The following ITCH variants were observed in gnomAD, a reference collection of about 807,000 sequenced individuals.
ITCH encodes the protein E3 ubiquitin-protein ligase Itchy homolog.
A neutral mutation model predicts 126.8 loss-of-function variants in ITCH; 28 were observed. The observed-to-expected ratio is 0.22, with a 90% CI of 0.16 to 0.30. ITCH has a LOEUF of 0.30. Among genes scored for constraint, ITCH ranks in the 10% least tolerant of loss-of-function variants. The probability of loss-of-function intolerance (pLI) is 1.00; values close to 1 mark genes in which losing one functional copy is unlikely to be tolerated. For synonymous variants in ITCH, 342 were observed against 340.0 expected, an observed-to-expected ratio of 1.01 and a Z score of -0.06; for missense variants, 631 against 1,032.4, an observed-to-expected ratio of 0.61 and a Z score of 5.33.
chr20:34,474,834 G>A (rs1358047033), intron 16 of ITCH, among the ~76,000 whole-genome samples: 1 of 151,860 alleles, frequency 6.6e-6, no homozygotes, highest in Non-Finnish European at 1.5e-5. Flanking sequence ...TGGCTGCCGG[G>A]TGGAGACGCT....
intron 2 of ITCH, among the ~76,000 whole-genome samples, chr20:34,390,443 C>CTTTTTTTTTTTTTT (rs546555130): frequency 1.1e-5 from 1 of 90,756 alleles, no homozygotes; most frequent in Non-Finnish European, 2.2e-5. Flanking sequence ...CAAGAATAAT[C>CTTTTTTTTTTTTTT]TTTTTTTTTT....
In ITCH at chr20:34,393,717, C is replaced by A. The variant is rs551781445; in HGVS notation, c.-21-74C>A. Reference sequence around the variant, plus strand: ...TTACATGGTCTTCAGTAATAAATAGCCAGGTTAGCACTATTTATATATGTT... The same window carrying A: ...TTACATGGTCTTCAGTAATAAATAGACAGGTTAGCACTATTTATATATGTT... On this transcript the variant is annotated intron_variant, in intron 2 of 24. Coordinates refer to ENST00000374864, the MANE Select transcript of ITCH (RefSeq NM_031483.7). 1.0e-4 allele frequency: 92 copies of A among 877,606 alleles called. 3 individuals carry two copies. In the African/African-American group the frequency reaches 1.1e-3, roughly 10 times the overall value. The allele number at this position is 877,606 out of a possible 1,614,324, so 54.4% of individuals were successfully genotyped here. A position where few individuals can be genotyped will look rare whatever the true frequency, so the allele number is the denominator to read the frequency against.
At chr20:34,485,365 T>G (rs1469035284) in intron 20 of ITCH, among the ~76,000 whole-genome samples, 1 of 152,192 alleles carries the variant, frequency 6.6e-6, no homozygotes, top group Non-Finnish European at 1.5e-5. Context: ...CCCAAAGTGT[T>G]TTTGCCATTT....
At chr20:34,408,600 G>A (rs767171104) in intron 3 of ITCH, 51 bp from the exon 4 acceptor site, 1 of 1,499,904 alleles carries the variant, frequency 6.7e-7, no homozygotes, top group East Asian at 2.3e-5. Flanking sequence ...TTGATTTCAT[G>A]AGTGAATTAA....
intron 3 of ITCH, among the ~76,000 whole-genome samples, chr20:34,395,003 G>A (rs1014059330): frequency 2.0e-5 from 3 of 151,926 alleles, no homozygotes; most frequent in African/African-American, 7.3e-5. Context: ...AGGTCGAGGT[G>A]GGCAGATCAC....
intron 13 of ITCH, among the ~76,000 whole-genome samples, chr20:34,460,937 C>G (rs951805934): frequency 2.6e-5 from 4 of 152,062 alleles, no homozygotes; most frequent in African/African-American, 9.7e-5. Flanking sequence ...GGGAGGATTG[C>G]TTGAACCCAG....
chr20:34,370,939 C>T (rs185968246), intron 2 of ITCH, among the ~76,000 whole-genome samples: 12 of 151,998 alleles, frequency 7.9e-5, no homozygotes, highest in Admixed American at 2.0e-4. Flanking sequence ...GAGGCCGAGG[C>T]GGGTGGATCA....
Position 34,480,670 on chromosome 20 carries a change from A to G in ITCH, c.1890A>G (p.Pro630=), listed in dbSNP as rs769470198. ...LPFYKRILNK[P]VGLKDLESID... ...TCTATAAGCGTATCTTGAACAAACCAGTTGGACTCAAGGATTTAGAATCTA... is the reference window on the plus strand; with the variant it reads ...TCTATAAGCGTATCTTGAACAAACCGGTTGGACTCAAGGATTTAGAATCTA... Residue 630 remains proline (P), a synonymous_variant, in exon 19 of 25, where the codon CCA becomes CCG. Transcript: ENST00000374864. 2 of 1,612,110 alleles carry G rather than the reference A, an allele frequency of 1.2e-6. No individual in the cohort carries two copies. The highest frequency in any genetic ancestry group is 2.7e-5 in the African/African-American group (2 of 74,910).
At chr20:34,386,599 C>T (rs567878766) in intron 2 of ITCH, among the ~76,000 whole-genome samples, 1 of 152,124 alleles carries the variant, frequency 6.6e-6, no homozygotes, top group African/African-American at 2.4e-5. Context: ...TTTGTGTCTT[C>T]TGAAATGTCA....
chr20:34,418,919 G>A (rs979042611), intron 6 of ITCH, among the ~76,000 whole-genome samples: 1 of 151,654 alleles, frequency 6.6e-6, no homozygotes, highest in Admixed American at 6.6e-5. Context: ...GCGCCACCAC[G>A]CCCGACTAAT....
intron 20 of ITCH, 46 bp downstream of exon 20, chr20:34,481,252 A>G: frequency 1.3e-6 from 2 of 1,581,718 alleles, no homozygotes; most frequent in South Asian, 1.1e-5. Context: ...TGACTACAGC[A>G]CATTGATAAT....
chr20:34,434,581 G>C (rs1326602907), intron 7 of ITCH, among the ~76,000 whole-genome samples: 1 of 152,204 alleles, frequency 6.6e-6, no homozygotes, highest in Middle Eastern at 3.2e-3. Flanking sequence ...AAGAAGGGGA[G>C]AGAGACTTTT....
intron 3 of ITCH, among the ~76,000 whole-genome samples, chr20:34,395,232 C>CAA (rs75300869): frequency 9.1e-5 from 7 of 76,926 alleles, no homozygotes; most frequent in South Asian, 8.6e-4. Flanking sequence ...GACTCCATCT[C>CAA]AAAAAAAAAA....
chr20:34,468,224 C>T (rs1455511720), intron 14 of ITCH, among the ~76,000 whole-genome samples: 2 of 151,444 alleles, frequency 1.3e-5, no homozygotes, highest in East Asian at 4.0e-4. Context: ...TTAGTAGAGA[C>T]GGGGTTTCAC....
chr20:34,426,890 T>C (rs1483946300), intron 7 of ITCH, among the ~76,000 whole-genome samples: 1 of 152,104 alleles, frequency 6.6e-6, no homozygotes, highest in Non-Finnish European at 1.5e-5. Context: ...TTCTCCTGGC[T>C]CAGCCTCCCG....
intron 3 of ITCH, chr20:34,402,442 T>C (rs748697008): frequency 2.9e-5 from 22 of 770,494 alleles, no homozygotes; most frequent in Admixed American, 6.8e-5. Flanking sequence ...CATTTTCAAA[T>C]GAAAATGGAG....
intron 2 of ITCH, among the ~76,000 whole-genome samples, chr20:34,384,809 C>T (rs1167121362): frequency 6.0e-5 from 9 of 150,654 alleles, no homozygotes; most frequent in Non-Finnish European, 1.2e-4. Flanking sequence ...TACAGGCGCC[C>T]GCCACCACAC....
At chr20:34,445,746 T>A (rs1229842989) in intron 11 of ITCH, among the ~76,000 whole-genome samples, 4 of 152,104 alleles carry the variant, frequency 2.6e-5, no homozygotes, top group African/African-American at 9.7e-5. Context: ...GTAGTAAAAA[T>A]AAACCCAAGC....
chr20:34,498,621 T>G (rs1208609700), intron 23 of ITCH, among the ~76,000 whole-genome samples: 1 of 152,236 alleles, frequency 6.6e-6, no homozygotes, highest in Non-Finnish European at 1.5e-5. Context: ...GTTGATATAC[T>G]TTGTTATGTT....
Sources: gnomAD v4.1 joint callset for allele counts (sites outside exome capture counted in the v4.1 genomes callset) on GRCh38, gnomAD v4.1.1 for gene constraint, MANE v1.5 for transcripts, NCBI Gene and HGNC (gene_info 2026-07-23, HGNC 2026-07-21) for gene names.